CDH9: variants seen among roughly 807,000 people sequenced by gnomAD.
CDH9 encodes cadherin-9.
Under a neutral mutation model 70.9 loss-of-function variants are expected in CDH9, and 28 were observed. That is an observed-to-expected ratio of 0.40 (90% CI 0.29 to 0.54). The LOEUF is 0.54. Among genes scored for constraint, CDH9 ranks in the 20% least tolerant of loss-of-function variants. The probability of loss-of-function intolerance (pLI) is 0.59; values close to 1 mark genes in which losing one functional copy is unlikely to be tolerated. For synonymous variants in CDH9, 409 were observed against 343.1 expected, an observed-to-expected ratio of 1.19 and a Z score of -2.12; for missense variants, 874 against 984.4, an observed-to-expected ratio of 0.89 and a Z score of 1.50.
chr5:26,916,008 T>C, intron 2 of CDH9, 84 bp from the exon 3 acceptor site: 2 of 828,216 alleles, frequency 2.4e-6, no homozygotes, highest in East Asian at 2.5e-5. Context: ...TCAATTCGTC[T>C]CCATATAACA....
At chr5:26,911,797 G>T (rs1302803847) in intron 3 of CDH9, among the ~76,000 whole-genome samples, 2 of 152,046 alleles carry the variant, frequency 1.3e-5, no homozygotes, top group African/African-American at 4.8e-5. Context: ...GAATATGCTA[G>T]TGTATTTCAG....
intron 2 of CDH9, among the ~76,000 whole-genome samples, chr5:26,944,755 T>A (rs554701401): frequency 3.3e-3 from 168 of 50,796 alleles, no homozygotes; most frequent in African/African-American, 0.011. Flanking sequence ...TCAGTATTTT[T>A]AAATCCTGAT....
At chr5:26,883,690 T>A (rs1740512957) in intron 11 of CDH9, among the ~76,000 whole-genome samples, 1 of 152,126 alleles carries the variant, frequency 6.6e-6, no homozygotes, top group Non-Finnish European at 1.5e-5. Context: ...TTTGTTTCAT[T>A]TGTGTAAGCG....
At chr5:26,914,000 T>C (rs1741100568) in intron 3 of CDH9, among the ~76,000 whole-genome samples, 1 of 152,028 alleles carries the variant, frequency 6.6e-6, no homozygotes, top group African/African-American at 2.4e-5. Flanking sequence ...TAGTCTCTGA[T>C]AGGGAAATAC....
chr5:27,026,106 T>C (rs1418223443), intron 1 of CDH9, among the ~76,000 whole-genome samples: 4 of 151,902 alleles, frequency 2.6e-5, no homozygotes, highest in Non-Finnish European at 5.9e-5. Context: ...TCTAACTTTG[T>C]ATACATAAAA....
Position 26,881,251 on chromosome 5 carries a change from G to A in CDH9, c.2255C>T (p.Ser752Phe). 1 of 1,613,442 alleles carries A rather than the reference G, an allele frequency of 6.2e-7. No homozygotes were observed. Among genetic ancestry groups the A allele is most frequent in the Non-Finnish European group, 8.5e-7 (1 of 1,179,532 alleles). The change falls in exon 12 of 12, where the codon TCT (serine) becomes TTT (phenylalanine). Residue 752 changes from serine (S) to phenylalanine (F), a missense_variant. Transcript: ENST00000231021. ...GNDSIADSLSSLESLTADCNQ... is the reference protein window; with the variant it reads ...GNDSIADSLSFLESLTADCNQ... ...ACAATCAGCTGTGAGAGATTCCAAAGAACTGAGCGAATCTGCTATGGAATC... is the reference window on the plus strand; with the variant it reads ...ACAATCAGCTGTGAGAGATTCCAAAAAACTGAGCGAATCTGCTATGGAATC...
chr5:26,881,632 A>C lies in CDH9; in HGVS notation c.1883-9T>G. On this transcript the variant is annotated splice_polypyrimidine_tract_variant and intron_variant, in intron 11 of 11. Coordinates refer to ENST00000231021, the MANE Select transcript of CDH9 (RefSeq NM_016279.4). ...AAACAACACGACTAAAACTATTAATAAGAAATGGGAAAATAGTGAGATTTC... is the reference window on the plus strand; with the variant it reads ...AAACAACACGACTAAAACTATTAATCAGAAATGGGAAAATAGTGAGATTTC... 2 of 1,591,940 alleles carry C rather than the reference A, an allele frequency of 1.3e-6. No homozygotes were observed. The highest frequency in any genetic ancestry group is 1.7e-6 in the Non-Finnish European group (2 of 1,173,486).
chr5:27,037,841 C>T (rs1160246064), intron 1 of CDH9, among the ~76,000 whole-genome samples: 1 of 151,900 alleles, frequency 6.6e-6, no homozygotes, highest in Non-Finnish European at 1.5e-5. Context: ...AGAGTGTCGA[C>T]CTGAGTGGGA....
At chr5:26,909,950 A>G (rs1357332156) in intron 3 of CDH9, among the ~76,000 whole-genome samples, 2 of 151,926 alleles carry the variant, frequency 1.3e-5, no homozygotes, top group Non-Finnish European at 2.9e-5. Context: ...TATAATTATT[A>G]TTATAATTTA....
At position 26,943,156 on chromosome 5, in the gene CDH9, C is replaced by T. The variant is rs1250292970; in HGVS notation, c.229-27232G>A. Among the ~76,000 whole-genome samples the T allele has an allele frequency of 2.0e-5, 3 of 152,016 alleles. No homozygotes were observed. The East Asian group carries it at 5.8e-4, about 29-fold the overall frequency. On this transcript the variant is annotated intron_variant, in intron 2 of 11. Transcript: ENST00000231021. Reference sequence around the variant, plus strand: ...AAAACCAAAAATGCAAACACAAAACCTTGATCTTTCAACTCTCCTCATAGA... The same window carrying T: ...AAAACCAAAAATGCAAACACAAAACTTTGATCTTTCAACTCTCCTCATAGA...
chr5:26,929,993 ATTGGATTGTTTAT>A (rs1741413308), intron 2 of CDH9, among the ~76,000 whole-genome samples: 1 of 151,960 alleles, frequency 6.6e-6, no homozygotes, highest in Non-Finnish European at 1.5e-5. Flanking sequence ...AAAGAGTATA[ATTGGATTGTTTAT>A]AACACAGAGA....
intron 2 of CDH9, among the ~76,000 whole-genome samples, chr5:26,986,287 A>C (rs10052582): frequency 0.47 from 71,833 of 151,746 alleles, 17,844 homozygotes; most frequent in African/African-American, 0.52. Flanking sequence ...AAAAATTCGC[A>C]CATCCTAACT....
chr5:26,987,091 C>CTTTTTTTTTTTTTTTTT (rs201154706), intron 2 of CDH9, among the ~76,000 whole-genome samples: 2 of 108,286 alleles, frequency 1.8e-5, no homozygotes, highest in African/African-American at 3.4e-5. Context: ...CACTTGTATT[C>CTTTTTTTTTTTTTTTTT]TTTTTTTTTT....
At chr5:26,970,022 A>G (rs1234924703) in intron 2 of CDH9, among the ~76,000 whole-genome samples, 1 of 150,810 alleles carries the variant, frequency 6.6e-6, no homozygotes, top group Non-Finnish European at 1.5e-5. Flanking sequence ...ACCAATTTTA[A>G]GTCTAGAAGG....
At chr5:26,888,498 T>G (rs559342863) in intron 9 of CDH9, among the ~76,000 whole-genome samples, 2 of 151,750 alleles carry the variant, frequency 1.3e-5, no homozygotes, top group African/African-American at 2.4e-5. Context: ...TTCAAAAAAA[T>G]CATTTACTAA....
At position 26,885,781 on chromosome 5, in the gene CDH9, T is replaced by G; in HGVS notation, c.1715A>C (p.Asp572Ala). 1 of 1,613,818 alleles carries G rather than the reference T, an allele frequency of 6.2e-7. No homozygotes were observed. Among genetic ancestry groups the G allele is most frequent in the Non-Finnish European group, 8.5e-7 (1 of 1,179,828 alleles). The change falls in exon 11 of 12, where the codon GAC becomes GCC. Residue 572 changes from aspartate to alanine, a missense_variant. Transcript: ENST00000231021. ...STYLLPILIF[D>A]NDYPIQSSTG... ...GCTGCTTTGAATTGGATAATCGTTG[T>G]CAAAGATTAAAATCGGCAATAAGTA... is the stretch of plus-strand genomic sequence containing the variant.
chr5:26,945,421 A>G (rs1250245673), intron 2 of CDH9, among the ~76,000 whole-genome samples: 4 of 152,154 alleles, frequency 2.6e-5, no homozygotes, highest in African/African-American at 9.6e-5. Context: ...TAAATAATTC[A>G]TTAGAAAATA....
chr5:27,007,533 A>C (rs924879584), intron 1 of CDH9, among the ~76,000 whole-genome samples: 4 of 152,150 alleles, frequency 2.6e-5, no homozygotes, highest in Non-Finnish European at 5.9e-5. Flanking sequence ...GAAAAATCTC[A>C]ACTTTTCTCC....
intron 1 of CDH9, among the ~76,000 whole-genome samples, chr5:27,018,156 A>T (rs780399131): frequency 2.6e-5 from 4 of 151,892 alleles, no homozygotes; most frequent in Non-Finnish European, 5.9e-5. Context: ...TCTATATTAC[A>T]GATGGGTTAT....
Sources: gnomAD v4.1 joint callset for allele counts (sites outside exome capture counted in the v4.1 genomes callset) on GRCh38, gnomAD v4.1.1 for gene constraint, MANE v1.5 for transcripts, NCBI Gene and HGNC (gene_info 2026-07-23, HGNC 2026-07-21) for gene names.